The following MED12L variants were observed in gnomAD, a reference collection of about 807,000 sequenced individuals.
MED12L encodes mediator of RNA polymerase II transcription subunit 12-like protein.
Under a neutral mutation model 281.3 loss-of-function variants are expected in MED12L, and 60 were observed. That is an observed-to-expected ratio of 0.21 (90% CI 0.17 to 0.26). The LOEUF is 0.26. MED12L is among the 10% of genes least tolerant of loss of function. The pLI is 1.00. For synonymous variants in MED12L, 974 were observed against 987.2 expected (o/e 0.99, Z 0.25); for missense variants, 2,146 against 2,680.9 (o/e 0.80, Z 4.41).
Position 151,193,557 on chromosome 3 carries a change from T to A in MED12L, c.2141T>A (p.Val714Asp). The change falls in exon 16 of 45, where the codon GTT becomes GAT. Residue 714 changes from valine to aspartate, a missense_variant. Val to Asp is a radical substitution (Grantham distance 152, BLOSUM62 -3). Coordinates refer to ENST00000687756, the MANE Select transcript of MED12L (RefSeq NM_001393769.1). ...ACTTCGTTGGGCAGAAGAATGTCAG[T>A]TAATTGTGAGAAGTTGGTGAAGAGG... is the stretch of plus-strand genomic sequence containing the variant. ...ANTSLGRRMS[V>D]NCEKLVKREK... 6.2e-7 allele frequency: 1 copy of A among 1,614,076 alleles called. No individual in the cohort carries two copies. Among genetic ancestry groups the A allele is most frequent in the Non-Finnish European group, 8.5e-7 (1 of 1,179,944 alleles).
intron 3 of MED12L, among the ~76,000 whole-genome samples, chr3:151,117,653 C>T (rs527296680): frequency 3.3e-4 from 51 of 152,260 alleles, no homozygotes; most frequent in African/African-American, 1.2e-3. Flanking sequence ...GCCACTCCAA[C>T]AACAAAACCA....
At chr3:151,395,036 A>T (rs183901936) in intron 39 of MED12L, among the ~76,000 whole-genome samples, 169 bp downstream of exon 39, 14 of 152,252 alleles carry the variant, frequency 9.2e-5, no homozygotes, top group African/African-American at 3.4e-4. Flanking sequence ...CCTCCATTGT[A>T]CTTTACTGTT....
At chr3:151,161,628 A>C (rs953198304) in intron 8 of MED12L, among the ~76,000 whole-genome samples, 1 of 152,194 alleles carries the variant, frequency 6.6e-6, no homozygotes, top group Non-Finnish European at 1.5e-5. Flanking sequence ...GCATCGTTCT[A>C]AGTTGCAACG....
At chr3:151,273,196 T>C (rs1355397124) in intron 16 of MED12L, among the ~76,000 whole-genome samples, 10 of 151,306 alleles carry the variant, frequency 6.6e-5, no homozygotes, top group Non-Finnish European at 1.2e-4. Flanking sequence ...AAGATGATGC[T>C]GGCAATGACA....
chr3:151,353,557 G>A (rs1241522197), intron 17 of MED12L, among the ~76,000 whole-genome samples: 3 of 152,102 alleles, frequency 2.0e-5, no homozygotes, highest in African/African-American at 2.4e-5. Context: ...TCTTTGTTAG[G>A]GAATTAGAAA....
At chr3:151,157,722 T>A (rs1251068624) in intron 6 of MED12L, among the ~76,000 whole-genome samples, 6 of 152,188 alleles carry the variant, frequency 3.9e-5, no homozygotes, top group Admixed American at 3.9e-4. Context: ...TTTGAAATAC[T>A]ACAACTGTAA....
intron 16 of MED12L, among the ~76,000 whole-genome samples, chr3:151,208,619 A>G (rs907903739): frequency 7.2e-5 from 11 of 152,214 alleles, no homozygotes; most frequent in African/African-American, 2.7e-4. Context: ...TGGAGGTTGC[A>G]GTGAGCTGAG....
chr3:151,132,600 C>T (rs910440091), intron 5 of MED12L, among the ~76,000 whole-genome samples: 4 of 152,054 alleles, frequency 2.6e-5, no homozygotes, highest in South Asian at 2.1e-4. Context: ...TGGTGTCTAT[C>T]GGATTTTTCT....
At chr3:151,213,908 A>C (rs749169548) in intron 16 of MED12L, 8 of 1,614,158 alleles carry the variant, frequency 5.0e-6, no homozygotes, top group Non-Finnish European at 6.8e-6. Context: ...AGTTTGCTGT[A>C]ACTCACTGAC....
chr3:151,108,770 G>A (rs1324155879), intron 2 of MED12L, among the ~76,000 whole-genome samples: 1 of 152,152 alleles, frequency 6.6e-6, no homozygotes, highest in Non-Finnish European at 1.5e-5. Context: ...AGAGGGTGAC[G>A]CTCAGGAGGT....
intron 39 of MED12L, among the ~76,000 whole-genome samples, chr3:151,397,910 G>T (rs976827018): frequency 2.5e-4 from 38 of 152,182 alleles, no homozygotes; most frequent in African/African-American, 9.2e-4. Flanking sequence ...TTGGAATTCA[G>T]CAGATGCTTT....
chr3:151,410,697 A>G (rs1487202771), intron 40 of MED12L, among the ~76,000 whole-genome samples: 1 of 152,234 alleles, frequency 6.6e-6, no homozygotes, highest in Non-Finnish European at 1.5e-5. Context: ...AGCCCGTACT[A>G]GAGGATAATG....
chr3:151,376,720 GAGA>G (rs1164741227), intron 28 of MED12L, 77 bp from the exon 29 acceptor site: 26 of 1,153,666 alleles, frequency 2.3e-5, no homozygotes, highest in Middle Eastern at 2.0e-4. Context: ...TCTTTCTTGA[GAGA>G]AGGAGTACTG....
intron 2 of MED12L, among the ~76,000 whole-genome samples, chr3:151,099,418 A>G (rs953896345): frequency 6.6e-6 from 1 of 152,242 alleles, no homozygotes; most frequent in Non-Finnish European, 1.5e-5. Context: ...TCATTAAAAA[A>G]TCATAGTCAA....
At chr3:151,256,855 T>C (rs1219006516) in intron 16 of MED12L, among the ~76,000 whole-genome samples, 1 of 151,850 alleles carries the variant, frequency 6.6e-6, no homozygotes, top group Non-Finnish European at 1.5e-5. Context: ...AGAGGTTTTT[T>C]TTTTGTTGTT....
intron 1 of MED12L, 32 bp from the exon 2 acceptor site, chr3:151,086,766 C>A: frequency 1.7e-6 from 1 of 573,144 alleles, no homozygotes; most frequent in Non-Finnish European, 3.1e-6. Flanking sequence ...GCAGCGGCAG[C>A]ATCCAACCTG....
rs947116652 is a variant in MED12L, at chr3:151,338,542, C to T, written c.2251-11517C>T. 1.4e-5 allele frequency: 22 copies of T among 1,613,674 alleles called. No homozygotes were observed. The highest frequency in any genetic ancestry group is 2.2e-5 in the East Asian group (1 of 44,874). The stretch of plus-strand genomic sequence containing the variant: ...ATATACATTGTGAAATAAAATATGA[C>T]GGAGGTAACTTGACACACAAAAGTT... On this transcript the variant is annotated intron_variant, in intron 16 of 44. Transcript: ENST00000687756.
At chr3:151,131,326 C>G (rs1320208041) in intron 5 of MED12L, among the ~76,000 whole-genome samples, 1 of 152,176 alleles carries the variant, frequency 6.6e-6, no homozygotes, top group Non-Finnish European at 1.5e-5. Flanking sequence ...TCAAGCCAGG[C>G]ATGGTGGCTC....
intron 16 of MED12L, among the ~76,000 whole-genome samples, chr3:151,283,130 A>G (rs755973945): frequency 6.6e-5 from 10 of 152,368 alleles, no homozygotes; most frequent in Middle Eastern, 3.4e-3. Context: ...CTTCTGGTAG[A>G]TTGAAAGAAG....
Sources: gnomAD v4.1 joint callset for allele counts (sites outside exome capture counted in the v4.1 genomes callset) on GRCh38, gnomAD v4.1.1 for gene constraint, MANE v1.5 for transcripts, NCBI Gene and HGNC (gene_info 2026-07-23, HGNC 2026-07-21) for gene names.